VWA8: variants seen among roughly 807,000 people sequenced by gnomAD.
VWA8 encodes the protein von Willebrand factor A domain-containing protein 8.
Under a neutral mutation model 241.5 loss-of-function variants are expected in VWA8, and 221 were observed. The ratio of observed to expected loss-of-function variants is 0.91; its 90% CI spans 0.82 to 1.02. The LOEUF is 1.02. Ranked by LOEUF, VWA8 falls within the 50% of genes least tolerant of loss-of-function variation. VWA8 has a pLI of 0.00. For missense variants in VWA8, 2,322 were observed against 2,328.7 expected, an observed-to-expected ratio of 1.00 and a Z score of 0.06; for synonymous variants, 852 against 827.1, an observed-to-expected ratio of 1.03 and a Z score of -0.52.
chr13:41,635,901 G>A (rs999664612), intron 37 of VWA8, among the ~76,000 whole-genome samples: 1 of 152,092 alleles, frequency 6.6e-6, no homozygotes, highest in African/African-American at 2.4e-5. Flanking sequence ...GTGATTAAGT[G>A]ATAGCTTATT....
chr13:41,685,056 A>G lies in VWA8; in HGVS notation c.4318T>C (p.Tyr1440His), dbSNP rs775235301. 10 of 1,612,726 alleles carry G rather than the reference A, an allele frequency of 6.2e-6. No homozygotes were observed. The African/African-American group carries it at 9.4e-5, about 15-fold the overall frequency. The change falls in exon 35 of 45, where the codon TAC becomes CAC. Residue 1440 changes from tyrosine to histidine, a missense_variant. Transcript: ENST00000379310. ...GTGAGTTCCTTCTTACCTTTTGGGTAGATATCTTTTAGAGGGACTTCTCCT... is the reference window on the plus strand; with the variant it reads ...GTGAGTTCCTTCTTACCTTTTGGGTGGATATCTTTTAGAGGGACTTCTCCT... ...PPGEVPLKDI[Y>H]PKDVTPPQTS...
chr13:41,684,796 T>C (rs1394594839), intron 35 of VWA8, among the ~76,000 whole-genome samples: 1 of 152,172 alleles, frequency 6.6e-6, no homozygotes, highest in Non-Finnish European at 1.5e-5. Context: ...AAAACATCTT[T>C]TAGGTAAAGT....
intron 2 of VWA8, chr13:41,926,960 A>G: frequency 1.9e-6 from 1 of 519,034 alleles, no homozygotes; most frequent in Non-Finnish European, 3.8e-6. Flanking sequence ...TCAATCCTAC[A>G]TTAATCTGTG....
chr13:41,873,610 T>C (rs1873750967), intron 9 of VWA8, among the ~76,000 whole-genome samples: 1 of 152,082 alleles, frequency 6.6e-6, no homozygotes, highest in South Asian at 2.1e-4. Context: ...CCTCGACACA[T>C]ACACTCTCCC....
chr13:41,807,327 A>C (rs533982962), intron 17 of VWA8, among the ~76,000 whole-genome samples: 1 of 152,318 alleles, frequency 6.6e-6, no homozygotes, highest in South Asian at 2.1e-4. Flanking sequence ...GAATATTTCC[A>C]AACTTGTTCT....
At chr13:41,587,355 T>C (rs1397021430) in intron 42 of VWA8, among the ~76,000 whole-genome samples, 157 bp downstream of exon 42, 6 of 152,332 alleles carry the variant, frequency 3.9e-5, no homozygotes, top group Middle Eastern at 3.4e-3. Flanking sequence ...ATTTTACAAT[T>C]ACTACTTCAG....
At chr13:41,760,449 A>ATT (rs2045731184) in intron 21 of VWA8, among the ~76,000 whole-genome samples, 1 of 151,816 alleles carries the variant, frequency 6.6e-6, no homozygotes, top group South Asian at 2.1e-4. Flanking sequence ...TATACTATAT[A>ATT]TTTTTTACTT....
chr13:41,907,657 T>C lies in VWA8; in HGVS notation c.412A>G (p.Arg138Gly), dbSNP rs1437807190. 1 of 1,614,068 alleles carries C rather than the reference T, an allele frequency of 6.2e-7. No individual in the cohort carries two copies. The highest frequency in any genetic ancestry group is 8.5e-7 in the Non-Finnish European group (1 of 1,180,018). Residue 138 changes from arginine (R) to glycine (G), a missense_variant, in exon 4 of 45, where the codon AGG becomes GGG. Coordinates refer to ENST00000379310, the MANE Select transcript of VWA8 (RefSeq NM_015058.2). ...TTGAGATCAGTTTCAGTGGTGTCCC[T>C]TGACAGGGCAATGTATTCGACCTCC... ...KREVEYIALSRDTTETDLKQR... is the reference protein window; with the variant it reads ...KREVEYIALSGDTTETDLKQR...
intron 29 of VWA8, among the ~76,000 whole-genome samples, chr13:41,694,195 TA>T (rs942528734): frequency 5.9e-5 from 9 of 152,040 alleles, no homozygotes; most frequent in African/African-American, 2.2e-4. Context: ...AAAAGAAATG[TA>T]AAAAAATGAA....
intron 21 of VWA8, among the ~76,000 whole-genome samples, 198 bp from the exon 22 acceptor site, chr13:41,732,353 A>T (rs1299958738): frequency 6.6e-6 from 1 of 152,142 alleles, no homozygotes; most frequent in Non-Finnish European, 1.5e-5. Context: ...ATAAATTACA[A>T]AGAATTTGAG....
rs568449374 is a variant in VWA8 at position 41,898,398 on chromosome 13, T to C, written c.484-6811A>G. ...AGAGCAGCTAGATACAGAGTGTCGATTGGTGCACTCACAAACCCTGAGCTA... is the reference window on the plus strand; with the variant it reads ...AGAGCAGCTAGATACAGAGTGTCGACTGGTGCACTCACAAACCCTGAGCTA... On this transcript the variant is annotated intron_variant, in intron 4 of 44. Transcript: ENST00000379310. 8.0e-4 allele frequency among the ~76,000 whole-genome samples: 122 copies of C among 152,242 alleles called. 1 individual carries two copies. The highest frequency in any genetic ancestry group is 2.6e-3 in the African/African-American group (107 of 41,534).
chr13:41,919,894 T>G (rs1293601302), intron 2 of VWA8, among the ~76,000 whole-genome samples: 2 of 152,110 alleles, frequency 1.3e-5, no homozygotes, highest in African/African-American at 2.4e-5. Context: ...ATACGGCATC[T>G]TACTTCCAGG....
rs1482902525 is a variant in VWA8, at chr13:41,672,036, G to A, written c.4410-889C>T. On this transcript the variant is annotated intron_variant, in intron 36 of 44. Coordinates refer to ENST00000379310, the MANE Select transcript of VWA8 (RefSeq NM_015058.2). ...TTTCCTGTATTTCCTGACAGTGGAC[G>A]ACACTAGCTTCCACTGTCAGGAAGA... is the stretch of plus-strand genomic sequence containing the variant. Among the ~76,000 whole-genome samples the A allele has an allele frequency of 2.0e-5, 3 of 152,072 alleles. No homozygotes were observed. The East Asian group carries it at 5.8e-4, about 29-fold the overall frequency.
intron 2 of VWA8, among the ~76,000 whole-genome samples, chr13:41,943,556 CA>C (rs1441299779): frequency 6.6e-6 from 1 of 151,682 alleles, no homozygotes; most frequent in African/African-American, 2.4e-5. Context: ...TTCTGCCAAC[CA>C]AAAGATATCA....
intron 37 of VWA8, among the ~76,000 whole-genome samples, chr13:41,616,252 G>A (rs1006133081): frequency 3.3e-5 from 5 of 152,098 alleles, no homozygotes; most frequent in Admixed American, 6.5e-5. Context: ...ACTGTCTTAC[G>A]TCCAAGTTGG....
intron 2 of VWA8, among the ~76,000 whole-genome samples, chr13:41,938,654 A>C (rs1877460939): frequency 6.6e-6 from 1 of 152,032 alleles, no homozygotes; most frequent in South Asian, 2.1e-4. Context: ...GCGTCTCAAA[A>C]AAAAAAAAAA....
intron 37 of VWA8, among the ~76,000 whole-genome samples, chr13:41,619,114 T>G (rs1373513207): frequency 2.6e-5 from 4 of 152,240 alleles, no homozygotes; most frequent in African/African-American, 9.6e-5. Flanking sequence ...GAGCATGGAA[T>G]GTTCTTCCAT....
At chr13:41,864,870 C>T (rs1179959550) in intron 12 of VWA8, among the ~76,000 whole-genome samples, 1 of 151,872 alleles carries the variant, frequency 6.6e-6, no homozygotes, top group Non-Finnish European at 1.5e-5. Context: ...CGCCTGTAAT[C>T]CCAGCTACTC....
Position 41,605,317 on chromosome 13 carries a change from C to T in VWA8, c.4878-41G>A, listed in dbSNP as rs117407928. On this transcript the variant is annotated intron_variant, in intron 39 of 44. Coordinates refer to ENST00000379310, the MANE Select transcript of VWA8 (RefSeq NM_015058.2). ...TATAAAAAGTTAACAGCTTAAATCA[C>T]GTATATGTGGGTTTTTACTTCCATT... 1.6e-5 allele frequency: 26 copies of T among 1,593,814 alleles called. No homozygotes were observed. In the Middle Eastern group the frequency reaches 1.2e-3, roughly 73 times the overall value.
Sources: gnomAD v4.1 joint callset for allele counts (sites outside exome capture counted in the v4.1 genomes callset) on GRCh38, gnomAD v4.1.1 for gene constraint, MANE v1.5 for transcripts, NCBI Gene and HGNC (gene_info 2026-07-23, HGNC 2026-07-21) for gene names.